The following RBFOX1 variants were observed in gnomAD, a reference collection of about 807,000 sequenced individuals.
RBFOX1 encodes RNA binding protein fox-1 homolog 1.
RBFOX1 carries 8 observed loss-of-function variants against 57.7 expected under a neutral mutation model. The ratio of observed to expected loss-of-function variants is 0.14; its 90% CI spans 0.08 to 0.25. The LOEUF is 0.25. Ranked by LOEUF, RBFOX1 falls within the 10% of genes least tolerant of loss-of-function variation. RBFOX1 has a pLI of 1.00. For missense variants in RBFOX1, 611 were observed against 548.5 expected, an observed-to-expected ratio of 1.11 and a Z score of -1.14; for synonymous variants, 326 against 222.4, an observed-to-expected ratio of 1.47 and a Z score of -4.15.
intron 4 of RBFOX1, among the ~76,000 whole-genome samples, chr16:7,228,936 T>C (rs1368581972): frequency 1.3e-5 from 2 of 152,068 alleles, no homozygotes; most frequent in Non-Finnish European, 2.9e-5. Flanking sequence ...GGGTAGAGAG[T>C]ATAATAATAT....
intron 4 of RBFOX1, among the ~76,000 whole-genome samples, chr16:7,492,941 C>G (rs939939469): frequency 6.6e-6 from 1 of 152,100 alleles, no homozygotes; most frequent in South Asian, 2.1e-4. Context: ...TGCAGTGGTG[C>G]GATCTCAGCT....
intron 1 of RBFOX1, among the ~76,000 whole-genome samples, chr16:5,395,492 G>A (rs765834067): frequency 3.9e-5 from 6 of 152,182 alleles, no homozygotes; most frequent in Non-Finnish European, 7.3e-5. Flanking sequence ...CTCCACTGTG[G>A]CTTGGCTGCG....
chr16:6,541,804 G>A (rs896166566), intron 2 of RBFOX1, among the ~76,000 whole-genome samples: 2 of 152,138 alleles, frequency 1.3e-5, no homozygotes, highest in African/African-American at 4.8e-5. Flanking sequence ...AGACTTAGTG[G>A]AAGAGGTGAG....
intron 2 of RBFOX1, among the ~76,000 whole-genome samples, chr16:6,467,486 G>A (rs936841385): frequency 6.6e-6 from 1 of 152,098 alleles, no homozygotes; most frequent in Non-Finnish European, 1.5e-5. Flanking sequence ...TTTCCAAAGT[G>A]CCATATTTAT....
chr16:6,194,970 G>A (rs1382849845), intron 1 of RBFOX1, among the ~76,000 whole-genome samples: 1 of 152,152 alleles, frequency 6.6e-6, no homozygotes, highest in Admixed American at 6.5e-5. Context: ...AACTTACTCT[G>A]TGATGAATCT....
At chr16:7,316,240 C>T (rs766604491) in intron 4 of RBFOX1, among the ~76,000 whole-genome samples, 9 of 152,188 alleles carry the variant, frequency 5.9e-5, no homozygotes, top group Non-Finnish European at 1.3e-4. Flanking sequence ...TACTATATTA[C>T]ATAAGACAAC....
chr16:7,278,744 A>C (rs1329543312), intron 4 of RBFOX1, among the ~76,000 whole-genome samples: 1 of 152,216 alleles, frequency 6.6e-6, no homozygotes, highest in Non-Finnish European at 1.5e-5. Context: ...TTCAGTTTGA[A>C]CTTAAAATAT....
intron 4 of RBFOX1, among the ~76,000 whole-genome samples, chr16:6,002,149 AT>A (rs548870958): frequency 1.3e-5 from 2 of 151,566 alleles, no homozygotes; most frequent in African/African-American, 4.9e-5. Flanking sequence ...TTAAAAGATA[AT>A]TTTTTTTATA....
intron 3 of RBFOX1, among the ~76,000 whole-genome samples, chr16:6,954,247 A>C (rs924786684): frequency 2.1e-5 from 3 of 145,736 alleles, no homozygotes; most frequent in African/African-American, 7.5e-5. Context: ...TGAAGGTGCT[A>C]TGTAATAAAT....
At chr16:6,635,266 T>C (rs537868219) in intron 2 of RBFOX1, among the ~76,000 whole-genome samples, 1 of 151,720 alleles carries the variant, frequency 6.6e-6, no homozygotes, top group Non-Finnish European at 1.5e-5. Flanking sequence ...AATGATTTTT[T>C]GGAACATTAG....
Position 6,879,807 on chromosome 16 carries a change from G to C in RBFOX1, c.-15-172250G>C, listed in dbSNP as rs115632641. Among the ~76,000 whole-genome samples, 424 of 152,232 alleles carry C rather than the reference G, an allele frequency of 2.8e-3. 1 individual carries two copies. Among genetic ancestry groups the C allele is most frequent in the African/African-American group, 9.0e-3 (375 of 41,544 alleles). On this transcript the variant is annotated intron_variant, in intron 3 of 15. Coordinates refer to ENST00000550418, the MANE Select transcript of RBFOX1 (RefSeq NM_018723.4). ...TTGACATTGGAATGGAAGCATTTTT[G>C]ATGTTCTATTTATGATGTTAAATTT... is the stretch of plus-strand genomic sequence containing the variant.
At position 6,901,141 on chromosome 16, in the gene RBFOX1, C is replaced by A. The variant is rs190154427; in HGVS notation, c.-15-150916C>A. 4.6e-5 allele frequency among the ~76,000 whole-genome samples: 7 copies of A among 152,270 alleles called. No individual in the cohort carries two copies. The East Asian group carries it at 1.2e-3, about 25-fold the overall frequency. ...GACAGGCTTTGTGTTTCCTGTTAGACTGTCTCTTTCATGTCTCCCATCCTA... is the reference window on the plus strand; with the variant it reads ...GACAGGCTTTGTGTTTCCTGTTAGAATGTCTCTTTCATGTCTCCCATCCTA... On this transcript the variant is annotated intron_variant, in intron 3 of 15. Transcript: ENST00000550418.
chr16:6,584,431 G>A (rs1293863969), intron 2 of RBFOX1, among the ~76,000 whole-genome samples: 1 of 150,714 alleles, frequency 6.6e-6, no homozygotes, highest in Non-Finnish European at 1.5e-5. Context: ...GCAGTGGCAT[G>A]ATCTTAGCAC....
chr16:5,395,399 G>A (rs939462387), intron 1 of RBFOX1, among the ~76,000 whole-genome samples: 2 of 152,214 alleles, frequency 1.3e-5, no homozygotes, highest in Non-Finnish European at 2.9e-5. Flanking sequence ...AGAGAGGCCA[G>A]TGATGGGTTC....
At chr16:5,266,423 G>T (rs2062859626) in intron 1 of RBFOX1, among the ~76,000 whole-genome samples, 1 of 152,138 alleles carries the variant, frequency 6.6e-6, no homozygotes, top group Non-Finnish European at 1.5e-5. Flanking sequence ...ACAATGTCAG[G>T]TGAAATAGGT....
At chr16:7,483,777 C>G (rs2064643025) in intron 4 of RBFOX1, among the ~76,000 whole-genome samples, 2 of 152,198 alleles carry the variant, frequency 1.3e-5, no homozygotes. Flanking sequence ...AAAGCCAGGC[C>G]TGGGAATAAT....
At chr16:5,643,216 TG>T (rs572479933) in intron 3 of RBFOX1, among the ~76,000 whole-genome samples, 38 of 152,312 alleles carry the variant, frequency 2.5e-4, no homozygotes, top group Non-Finnish European at 4.3e-4. Flanking sequence ...TAAAGTTACA[TG>T]GCACATGGGC....
At chr16:7,052,152 C>T (rs1294380803) in intron 4 of RBFOX1, 54 bp downstream of exon 4, 4 of 1,572,296 alleles carry the variant, frequency 2.5e-6, no homozygotes, top group Non-Finnish European at 2.6e-6. Context: ...GTGTGATAAG[C>T]AAAAATTTCC....
intron 1 of RBFOX1, among the ~76,000 whole-genome samples, chr16:6,202,040 T>C (rs2097218764): frequency 6.6e-6 from 1 of 152,072 alleles, no homozygotes; most frequent in Admixed American, 6.6e-5. Flanking sequence ...AACCAGCCCC[T>C]TCATCATGTG....
Sources: allele counts gnomAD v4.1 joint callset (sites outside exome capture counted in the v4.1 genomes callset), GRCh38; gene constraint gnomAD v4.1.1; transcripts MANE v1.5; gene names NCBI Gene and HGNC (gene_info 2026-07-23, HGNC 2026-07-21).